Variants in NRXN1 observed in about 807,000 individuals in gnomAD.
NRXN1 encodes neurexin-1.
In NRXN1, 39 loss-of-function variants were observed where a neutral mutation model predicts 150.9. That is an observed-to-expected ratio of 0.26 (90% CI 0.20 to 0.34). The LOEUF (loss-of-function observed/expected upper bound fraction) is 0.34, where lower values mean the gene tolerates loss of function less well. Ranked by LOEUF, NRXN1 falls within the 10% of genes least tolerant of loss-of-function variation. The pLI is 1.00. For synonymous variants in NRXN1, 924 were observed against 757.0 expected (o/e 1.22, Z -3.62); for missense variants, 1,815 against 1,949.9 (o/e 0.93, Z 1.30).
intron 5 of NRXN1, among the ~76,000 whole-genome samples, chr2:50,770,169 A>G (rs1574416608): frequency 6.6e-6 from 1 of 152,152 alleles, no homozygotes; most frequent in East Asian, 1.9e-4. Flanking sequence ...GCAGAAGTTT[A>G]ACAAATTCTA....
chr2:50,055,104 T>C lies in NRXN1; in HGVS notation c.3719-60A>G, dbSNP rs567479672. ...ATCTGTAAGGTCAAAGGTTAAAAGT[T>C]AATACTTAAAGATTGAGCTATACAG... On this transcript the variant is annotated intron_variant, in intron 19 of 22. Transcript: ENST00000401669. The C allele has an allele frequency of 2.5e-6, 3 of 1,186,502 alleles. No homozygotes were observed. In the South Asian group the frequency reaches 4.5e-5, roughly 18 times the overall value. 73.5% of individuals were successfully genotyped at this position (1,186,502 alleles called of 1,614,324 possible). A position where few individuals can be genotyped will look rare whatever the true frequency, so the allele number is the denominator to read the frequency against.
chr2:50,882,216 A>G (rs563860620), intron 5 of NRXN1, among the ~76,000 whole-genome samples: 112 of 151,992 alleles, frequency 7.4e-4, no homozygotes, highest in Non-Finnish European at 1.3e-3. Context: ...TCAGTTACAC[A>G]TATACTTTAA....
chr2:50,450,860 G>T (rs2086892115), intron 17 of NRXN1, among the ~76,000 whole-genome samples: 1 of 152,152 alleles, frequency 6.6e-6, no homozygotes, highest in African/African-American at 2.4e-5. Flanking sequence ...GAAATTATAG[G>T]CAGGAGAGAT....
chr2:49,955,208 C>T (rs74896756), intron 21 of NRXN1, among the ~76,000 whole-genome samples: 5,903 of 152,170 alleles, frequency 0.039, 182 homozygotes, highest in Non-Finnish European at 0.057. Context: ...CACAATTGCT[C>T]ATTTATACCA....
intron 17 of NRXN1, among the ~76,000 whole-genome samples, chr2:50,438,828 A>C (rs2085674894): frequency 6.6e-6 from 1 of 152,244 alleles, no homozygotes; most frequent in African/African-American, 2.4e-5. Context: ...GAAAAATAAC[A>C]GTAAGGAAAA....
At chr2:50,031,106 C>T (rs117519530) in intron 21 of NRXN1, among the ~76,000 whole-genome samples, 3 of 152,106 alleles carry the variant, frequency 2.0e-5, no homozygotes, top group East Asian at 3.9e-4. Context: ...GTAAAGCACA[C>T]CTTTTGCACT....
chr2:50,710,111 G>T (rs530302607), intron 5 of NRXN1, among the ~76,000 whole-genome samples: 2 of 152,020 alleles, frequency 1.3e-5, no homozygotes, highest in Admixed American at 6.6e-5. Flanking sequence ...AAAATTGTTC[G>T]CTTGCAACTT....
rs575499551 is a variant in NRXN1, at chr2:50,894,097, G to C, written c.832+27772C>G. Among the ~76,000 whole-genome samples, 13 of 152,082 alleles carry C rather than the reference G, an allele frequency of 8.5e-5. No homozygotes were observed. In the East Asian group the frequency reaches 1.7e-3, roughly 20 times the overall value. On this transcript the variant is annotated intron_variant, in intron 5 of 22. Transcript: ENST00000401669. ...CACTCTGGGGACTGTTGTGGGTTGG[G>C]GGGAGGGGGAAGGGATAGCATTGGG...
chr2:50,465,838 G>A (rs1023818322), intron 16 of NRXN1, among the ~76,000 whole-genome samples: 1 of 151,806 alleles, frequency 6.6e-6, no homozygotes, highest in Admixed American at 6.6e-5. Flanking sequence ...ATTGTAGCAG[G>A]TAATCTCATT....
intron 17 of NRXN1, among the ~76,000 whole-genome samples, chr2:50,311,862 C>G (rs1225560852): frequency 6.6e-6 from 1 of 151,842 alleles, no homozygotes; most frequent in Admixed American, 6.6e-5. Flanking sequence ...GTCTGTAAAC[C>G]TAAATAAATG....
rs78516173 is a variant in NRXN1, at chr2:50,466,503, A to T, written c.3245-942T>A. On this transcript the variant is annotated intron_variant, in intron 16 of 22. Transcript: ENST00000401669. ...ATCAATGCAACTTTGTCAGCAAAATAAAAAAAAAAGCAAAATATATTAAAT... is the reference window on the plus strand; with the variant it reads ...ATCAATGCAACTTTGTCAGCAAAATTAAAAAAAAAGCAAAATATATTAAAT... 1,624 of 356,630 alleles carry T rather than the reference A, an allele frequency of 4.6e-3. 20 individuals carry two copies. The highest frequency in any genetic ancestry group is 0.031 in the African/African-American group (1,412 of 45,558). The allele number at this position is 356,630 out of a possible 1,614,324, so 22.1% of individuals were successfully genotyped here. A position where few individuals can be genotyped will look rare whatever the true frequency, so the allele number is the denominator to read the frequency against.
intron 5 of NRXN1, among the ~76,000 whole-genome samples, chr2:50,721,968 C>T (rs368093842): frequency 2.6e-5 from 4 of 152,128 alleles, no homozygotes; most frequent in East Asian, 1.9e-4. Flanking sequence ...TTGCATTTCT[C>T]GGGAAATGTC....
chr2:50,652,136 C>A (rs186903000), intron 5 of NRXN1, among the ~76,000 whole-genome samples: 136 of 152,144 alleles, frequency 8.9e-4, no homozygotes, highest in Non-Finnish European at 1.4e-3. Flanking sequence ...TCTTCTGCAA[C>A]TGACATCAGC....
chr2:50,447,898 C>T (rs1012445114), intron 17 of NRXN1, among the ~76,000 whole-genome samples: 3 of 150,520 alleles, frequency 2.0e-5, no homozygotes, highest in Admixed American at 1.3e-4. Flanking sequence ...TGGCAGAAGC[C>T]CCCCATGGGT....
intron 8 of NRXN1, among the ~76,000 whole-genome samples, chr2:50,614,265 C>T (rs1678668421): frequency 6.6e-6 from 1 of 152,088 alleles, no homozygotes; most frequent in African/African-American, 2.4e-5. Flanking sequence ...AGTTCTCTGC[C>T]AACTAAAGTA....
intron 18 of NRXN1, among the ~76,000 whole-genome samples, chr2:50,129,196 C>T (rs1201867715): frequency 2.5e-5 from 3 of 121,198 alleles, no homozygotes; most frequent in African/African-American, 7.9e-5. Flanking sequence ...TATGTAACTA[C>T]TAAAGCATTT....
rs1668212332 is a variant in NRXN1 at position 49,921,620 on chromosome 2, G to A, written c.*324C>T. 4 of 290,830 alleles carry A rather than the reference G, an allele frequency of 1.4e-5. No individual in the cohort carries two copies. In the South Asian group the frequency reaches 1.7e-4, roughly 12 times the overall value. 18.0% of individuals were successfully genotyped at this position (290,830 alleles called of 1,614,324 possible). A position where few individuals can be genotyped will look rare whatever the true frequency, so the allele number is the denominator to read the frequency against. On this transcript the variant is annotated 3_prime_UTR_variant, in exon 23 of 23. Transcript: ENST00000401669. ...GGTTTTTGTGTTGTGCCTTGATGCT[G>A]TAGTACTCCTTTGCTTTATGAATGC... is the stretch of plus-strand genomic sequence containing the variant.
chr2:50,595,204 C>T (rs1235834467), intron 8 of NRXN1, among the ~76,000 whole-genome samples: 3 of 151,870 alleles, frequency 2.0e-5, no homozygotes, highest in East Asian at 1.9e-4. Context: ...ATAAGACACT[C>T]GCCCAAGAAA....
intron 17 of NRXN1, among the ~76,000 whole-genome samples, chr2:50,250,944 T>TATGCCATATGTAATAAATTTATTACAC (rs2066982813): frequency 6.7e-6 from 1 of 149,764 alleles, no homozygotes; most frequent in African/African-American, 2.4e-5. Flanking sequence ...ATTTATTACA[T>TATGCCATATGTAATAAATTTATTACAC]ATGGCATATG....
Sources: allele counts gnomAD v4.1 joint callset (sites outside exome capture counted in the v4.1 genomes callset), GRCh38; gene constraint gnomAD v4.1.1; transcripts MANE v1.5; gene names NCBI Gene and HGNC (gene_info 2026-07-23, HGNC 2026-07-21).